Variants in MTMR7 observed in about 807,000 individuals in gnomAD.
MTMR7 encodes myotubularin related protein 7.
In MTMR7, 76 loss-of-function variants were observed where a neutral mutation model predicts 81.2. That is an observed-to-expected ratio of 0.94 (90% CI 0.78 to 1.13). The LOEUF (loss-of-function observed/expected upper bound fraction) is 1.13. Ranked by LOEUF, MTMR7 falls within the 50% of genes most tolerant of loss-of-function variation. The pLI is 0.00. For synonymous variants in MTMR7, 372 were observed against 289.8 expected (o/e 1.28, Z -2.88); for missense variants, 1,044 against 820.0 (o/e 1.27, Z -3.34).
chr8:17,314,631 A>G (rs1392056470), intron 7 of MTMR7, among the ~76,000 whole-genome samples: 1 of 152,242 alleles, frequency 6.6e-6, no homozygotes, highest in African/African-American at 2.4e-5. Flanking sequence ...AAAAAGCACA[A>G]GTAGTTAAAT....
At chr8:17,326,360 T>C (rs1377923552) in intron 7 of MTMR7, 1 of 152,188 alleles carries the variant, frequency 6.6e-6, no homozygotes, top group Non-Finnish European at 1.5e-5. Context: ...GCTTAAAAAA[T>C]CTGAACCGTG....
chr8:17,378,905 A>G (rs983727070), intron 1 of MTMR7, among the ~76,000 whole-genome samples: 4 of 152,192 alleles, frequency 2.6e-5, no homozygotes, highest in African/African-American at 7.2e-5. Context: ...CACATAAAAG[A>G]TAATAATTGA....
chr8:17,362,304 G>A (rs985725535), intron 3 of MTMR7, among the ~76,000 whole-genome samples: 3 of 152,028 alleles, frequency 2.0e-5, no homozygotes, highest in African/African-American at 7.3e-5. Context: ...GCACTTAACC[G>A]CATACCTCAG....
At chr8:17,322,161 G>A (rs1818424296) in intron 7 of MTMR7, among the ~76,000 whole-genome samples, 1 of 152,024 alleles carries the variant, frequency 6.6e-6, no homozygotes, top group Non-Finnish European at 1.5e-5. Flanking sequence ...TTCCCATTTT[G>A]GAGTCATGAA....
At position 17,359,088 on chromosome 8, in the gene MTMR7, G is replaced by A. The variant is rs78787328; in HGVS notation, c.468+2029C>T. Among the ~76,000 whole-genome samples, 3,847 of 151,938 alleles carry A rather than the reference G, an allele frequency of 0.025. 422 individuals carry two copies. In the East Asian group the frequency reaches 0.3, roughly 12 times the overall value. ...TTTTAAATTGCTTTTGTGGGAATGG[G>A]GTTCTCCCTATGTTGCCCAGGCTGG... is the stretch of plus-strand genomic sequence containing the variant. On this transcript the variant is annotated intron_variant, in intron 4 of 13. Coordinates refer to ENST00000180173, the MANE Select transcript of MTMR7 (RefSeq NM_004686.5).
intron 7 of MTMR7, among the ~76,000 whole-genome samples, chr8:17,326,668 T>C (rs1818696666): frequency 6.6e-6 from 1 of 152,242 alleles, no homozygotes; most frequent in African/African-American, 2.4e-5. Flanking sequence ...GCTGCCATGC[T>C]GTGAACAGCC....
intron 11 of MTMR7, 48 bp downstream of exon 11, chr8:17,305,709 C>T (rs1293316647): frequency 1.3e-6 from 2 of 1,514,504 alleles, no homozygotes; most frequent in East Asian, 2.3e-5. Context: ...TCTCAGTCAT[C>T]AAAATCTTTA....
At chr8:17,382,695 G>T (rs1323901090) in intron 1 of MTMR7, among the ~76,000 whole-genome samples, 2 of 152,116 alleles carry the variant, frequency 1.3e-5, no homozygotes, top group African/African-American at 4.8e-5. Flanking sequence ...GAGTGATAAG[G>T]AGACCTTGTG....
rs1277882494 is a variant in MTMR7 at position 17,366,885 on chromosome 8, C to CAAAAAAAAAAAAAAAAAAAAAA, written c.310+4151_310+4152insTTTTTTTTTTTTTTTTTTTTTT. Reference sequence around the variant, plus strand: ...TGGATGACAGAGCGAGACTCCATCTCAAAAAAAAAAAAACTGTAGCTGAAA... The same window carrying CAAAAAAAAAAAAAAAAAAAAAA: ...TGGATGACAGAGCGAGACTCCATCTCAAAAAAAAAAAAAAAAAAAAAAAAAAAAAAAAAAACTGTAGCTGAAA... On this transcript the variant is annotated intron_variant, in intron 3 of 13. Coordinates refer to ENST00000180173, the MANE Select transcript of MTMR7 (RefSeq NM_004686.5). Among the ~76,000 whole-genome samples the CAAAAAAAAAAAAAAAAAAAAAA allele has an allele frequency of 1.3e-3, 112 of 88,096 alleles. 5 individuals are homozygous for CAAAAAAAAAAAAAAAAAAAAAA. Among genetic ancestry groups the CAAAAAAAAAAAAAAAAAAAAAA allele is most frequent in the African/African-American group, 6.3e-3 (106 of 16,914 alleles). The allele number at this position is 88,096 out of a possible 152,430, so 57.8% of individuals were successfully genotyped here.
chr8:17,332,702 C>T (rs562561584), intron 6 of MTMR7, among the ~76,000 whole-genome samples: 49 of 152,258 alleles, frequency 3.2e-4, no homozygotes, highest in Middle Eastern at 3.4e-3. Flanking sequence ...TCATATAGGT[C>T]GAACCATTAA....
chr8:17,321,666 T>C (rs1047646853), intron 7 of MTMR7, among the ~76,000 whole-genome samples: 7 of 152,238 alleles, frequency 4.6e-5, no homozygotes, highest in African/African-American at 7.2e-5. Flanking sequence ...ATTTGTTCAC[T>C]CTTGTTGCCA....
chr8:17,299,989 G>A lies in MTMR7; in HGVS notation c.1856C>T (p.Ala619Val), dbSNP rs529289862. ...NLKSSDPDLS[A>V]NSDQESGVED... ...CACCCCGGACTCTTGGTCACTGTTGGCTGACAGATCTGGATCTGAACTTTT... is the reference window on the plus strand; with the variant it reads ...CACCCCGGACTCTTGGTCACTGTTGACTGACAGATCTGGATCTGAACTTTT... Residue 619 changes from alanine to valine, a missense_variant, in exon 14 of 14, where the codon GCC becomes GTC. Transcript: ENST00000180173. 6.2e-7 allele frequency: 1 copy of A among 1,614,104 alleles called. No individual in the cohort carries two copies. Among genetic ancestry groups the A allele is most frequent in the African/African-American group, 1.3e-5 (1 of 75,036 alleles).
At chr8:17,379,531 G>A (rs1479886429) in intron 1 of MTMR7, among the ~76,000 whole-genome samples, 1 of 152,196 alleles carries the variant, frequency 6.6e-6, no homozygotes, top group South Asian at 2.1e-4. Flanking sequence ...AGAAGGAGAT[G>A]GGGATCGCTG....
intron 7 of MTMR7, among the ~76,000 whole-genome samples, chr8:17,327,778 G>T (rs1456788565): frequency 1.3e-5 from 2 of 152,116 alleles, no homozygotes; most frequent in African/African-American, 4.8e-5. Flanking sequence ...AAATTGGGTG[G>T]CAAATGGTAC....
chr8:17,397,664 G>A (rs1821303131), intron 1 of MTMR7, among the ~76,000 whole-genome samples: 2 of 152,218 alleles, frequency 1.3e-5, no homozygotes, highest in African/African-American at 4.8e-5. Flanking sequence ...CTGAAGGGAA[G>A]GACACATGCC....
intron 1 of MTMR7, among the ~76,000 whole-genome samples, chr8:17,399,680 GC>G (rs1310823740): frequency 1.3e-5 from 2 of 151,988 alleles, no homozygotes; most frequent in African/African-American, 4.8e-5. Flanking sequence ...TGTATTCTGT[GC>G]AAAAAGAACA....
chr8:17,336,555 C>T (rs1044181275), intron 6 of MTMR7, among the ~76,000 whole-genome samples: 1 of 152,152 alleles, frequency 6.6e-6, no homozygotes, highest in Non-Finnish European at 1.5e-5. Flanking sequence ...TAGGAACCAC[C>T]TACTCACTAA....
chr8:17,302,675 C>T (rs556050114), intron 12 of MTMR7, among the ~76,000 whole-genome samples: 1 of 116,628 alleles, frequency 8.6e-6, no homozygotes, highest in Non-Finnish European at 1.7e-5. Context: ...ATCACGACCA[C>T]TAAAAGTTGA....
chr8:17,393,514 A>G (rs533441460), intron 1 of MTMR7, among the ~76,000 whole-genome samples: 11 of 152,378 alleles, frequency 7.2e-5, no homozygotes, highest in African/African-American at 2.2e-4. Context: ...GAACATTTAC[A>G]GCTCAACATT....
Sources: allele counts gnomAD v4.1 joint callset (sites outside exome capture counted in the v4.1 genomes callset), GRCh38; gene constraint gnomAD v4.1.1; transcripts MANE v1.5; gene names NCBI Gene and HGNC (gene_info 2026-07-23, HGNC 2026-07-21).